ERI3: variants seen among roughly 807,000 people sequenced by gnomAD.
The protein encoded by ERI3 is ERI1 exoribonuclease family member 3, also known as ERI1 exoribonuclease 3.
In ERI3, 18 loss-of-function variants were observed where a neutral mutation model predicts 44.4. The ratio of observed to expected loss-of-function variants is 0.41; its 90% CI spans 0.28 to 0.60. ERI3 has a LOEUF of 0.60. Among genes scored for constraint, ERI3 ranks in the 20% least tolerant of loss-of-function variants. ERI3 has a pLI of 0.36. For missense variants in ERI3, 294 were observed against 435.5 expected (o/e 0.68, Z 2.89); for synonymous variants, 183 against 164.8 (o/e 1.11, Z -0.84).
intron 2 of ERI3, among the ~76,000 whole-genome samples, chr1:44,349,535 T>C (rs557973858): frequency 6.6e-6 from 1 of 152,320 alleles, no homozygotes; most frequent in South Asian, 2.1e-4. Flanking sequence ...GCTTTAGTTG[T>C]AAATTCCTCC....
At chr1:44,267,269 C>T (rs1434803881) in intron 7 of ERI3, among the ~76,000 whole-genome samples, 1 of 152,160 alleles carries the variant, frequency 6.6e-6, no homozygotes, top group African/African-American at 2.4e-5. Flanking sequence ...GGGCTTATTT[C>T]CTAAGCAGTT....
intron 7 of ERI3, among the ~76,000 whole-genome samples, chr1:44,282,108 G>A (rs1027221678): frequency 4.6e-5 from 7 of 152,162 alleles, no homozygotes; most frequent in Admixed American, 2.6e-4. Context: ...GGCAGCAGGA[G>A]ATGTGGAAAC....
intron 8 of ERI3, among the ~76,000 whole-genome samples, chr1:44,239,156 T>G (rs1004987926): frequency 9.8e-4 from 149 of 152,164 alleles, no homozygotes; most frequent in African/African-American, 3.4e-3. Flanking sequence ...CTAACTGCTA[T>G]TCTTAGCTAT....
At chr1:44,349,920 T>C (rs1646857032) in intron 2 of ERI3, among the ~76,000 whole-genome samples, 3 of 152,288 alleles carry the variant, frequency 2.0e-5, no homozygotes, top group South Asian at 2.1e-4. Context: ...AGTGCAGACA[T>C]GGGACCCTCA....
At chr1:44,286,768 T>C (rs1042026012) in intron 6 of ERI3, among the ~76,000 whole-genome samples, 2 of 152,324 alleles carry the variant, frequency 1.3e-5, no homozygotes, top group East Asian at 1.9e-4. Context: ...AGTATGTCTT[T>C]AGAAAACACA....
chr1:44,347,360 C>G (rs984393883), intron 2 of ERI3, among the ~76,000 whole-genome samples: 4 of 152,184 alleles, frequency 2.6e-5, no homozygotes, highest in African/African-American at 9.7e-5. Context: ...AGTCTCTTCT[C>G]AAACAAAATT....
intron 3 of ERI3, among the ~76,000 whole-genome samples, chr1:44,321,705 T>C (rs1646208030): frequency 6.6e-6 from 1 of 152,226 alleles, no homozygotes; most frequent in South Asian, 2.1e-4. Flanking sequence ...CTCTATAGCC[T>C]GGTGAGTATG....
intron 8 of ERI3, among the ~76,000 whole-genome samples, chr1:44,226,778 A>ACAC (rs1644050828): frequency 1.3e-4 from 18 of 143,470 alleles, no homozygotes; most frequent in African/African-American, 3.4e-4. Context: ...AGCATTATTA[A>ACAC]ACACACACAC....
At chr1:44,249,388 G>A (rs1049037703) in intron 7 of ERI3, among the ~76,000 whole-genome samples, 1 of 152,222 alleles carries the variant, frequency 6.6e-6, no homozygotes, top group East Asian at 1.9e-4. Context: ...AGGGGAGAGG[G>A]CCCAGCACAG....
intron 6 of ERI3, among the ~76,000 whole-genome samples, chr1:44,307,458 T>A (rs969903956): frequency 1.8e-4 from 28 of 152,214 alleles, no homozygotes; most frequent in African/African-American, 5.8e-4. Flanking sequence ...GAATACTTGC[T>A]GCTACCTTCA....
Position 44,338,342 on chromosome 1 carries a change from A to C in ERI3, c.489+703T>G, listed in dbSNP as rs570851549. Among the ~76,000 whole-genome samples, 255 of 152,228 alleles carry C rather than the reference A, an allele frequency of 1.7e-3. 1 individual carries two copies. Among genetic ancestry groups the C allele is most frequent in the African/African-American group, 5.9e-3 (245 of 41,530 alleles). ...CTCCTAAGGTTGAAGTCACATGTCC[A>C]CCGGGGCTGCAGTCATCTGAAGGCC... On this transcript the variant is annotated intron_variant, in intron 3 of 8. Transcript: ENST00000372257.
chr1:44,292,604 A>G (rs1183951532), intron 6 of ERI3, among the ~76,000 whole-genome samples: 1 of 152,194 alleles, frequency 6.6e-6, no homozygotes, highest in Admixed American at 6.5e-5. Flanking sequence ...AAGGGCACTC[A>G]GAGACTCAGC....
intron 7 of ERI3, among the ~76,000 whole-genome samples, chr1:44,268,574 G>A (rs2154321129): frequency 6.6e-6 from 1 of 152,308 alleles, no homozygotes; most frequent in South Asian, 2.1e-4. Context: ...GATCAGCCCT[G>A]AGGAGTCAGC....
rs1644293961 is a variant in ERI3 at position 44,235,957 on chromosome 1, C to T, written c.931+11982G>A. ...TGTCCCACCTGGTAAATATTTCATCCTCAAGCTGCTCAGCTAATCCCTATT... is the reference window on the plus strand; with the variant it reads ...TGTCCCACCTGGTAAATATTTCATCTTCAAGCTGCTCAGCTAATCCCTATT... On this transcript the variant is annotated intron_variant, in intron 8 of 8. Coordinates refer to ENST00000372257, the MANE Select transcript of ERI3 (RefSeq NM_024066.3). This position sits in a 1 kb window ranked among gnomAD's most constrained non-coding sequence, Gnocchi z 4.6. 6.6e-6 allele frequency among the ~76,000 whole-genome samples: 1 copy of T among 152,202 alleles called. No individual in the cohort carries two copies. The highest frequency in any genetic ancestry group is 2.1e-4 in the South Asian group (1 of 4,832).
chr1:44,253,055 G>C (rs976436989), intron 7 of ERI3, among the ~76,000 whole-genome samples: 3 of 152,222 alleles, frequency 2.0e-5, no homozygotes, highest in African/African-American at 7.2e-5. Flanking sequence ...ACCCCCAACA[G>C]AGATGAAGCT....
chr1:44,315,794 C>T (rs1243410937), intron 4 of ERI3, among the ~76,000 whole-genome samples: 3 of 152,210 alleles, frequency 2.0e-5, no homozygotes, highest in Admixed American at 1.3e-4. Flanking sequence ...TGTATTAATC[C>T]CTCCAAGGAT....
chr1:44,342,847 A>G (rs1646703323), intron 2 of ERI3, among the ~76,000 whole-genome samples: 1 of 32,050 alleles, frequency 3.1e-5, no homozygotes, highest in South Asian at 9.7e-4. Context: ...ATATATATAT[A>G]TATATATATA....
At chr1:44,260,645 TCA>T (rs1644875243) in intron 7 of ERI3, among the ~76,000 whole-genome samples, 2 of 152,238 alleles carry the variant, frequency 1.3e-5, no homozygotes, top group Admixed American at 1.3e-4. Flanking sequence ...CCCCTGGGTC[TCA>T]GTTTCTTCAC....
chr1:44,293,048 T>C (rs181415230), intron 6 of ERI3, among the ~76,000 whole-genome samples: 1 of 152,280 alleles, frequency 6.6e-6, no homozygotes, highest in Non-Finnish European at 1.5e-5. Flanking sequence ...CACTAATGAA[T>C]TTCACCACCA....
Sources: allele counts gnomAD v4.1 joint callset (sites outside exome capture counted in the v4.1 genomes callset), GRCh38; gene constraint gnomAD v4.1.1; non-coding constraint Gnocchi (gnomAD v3.1); transcripts MANE v1.5; gene names NCBI Gene and HGNC (gene_info 2026-07-23, HGNC 2026-07-21).